BRINP1: variants seen among roughly 807,000 people sequenced by gnomAD.
The protein encoded by BRINP1 is BMP/retinoic acid inducible neural specific 1.
A neutral mutation model predicts 72.9 loss-of-function variants in BRINP1; 17 were observed. The ratio of observed to expected loss-of-function variants is 0.23; its 90% CI spans 0.16 to 0.35. The LOEUF (loss-of-function observed/expected upper bound fraction) is 0.35. BRINP1 is among the 10% of genes least tolerant of loss of function. The pLI is 1.00. For missense variants in BRINP1, 850 were observed against 1,001.6 expected (o/e 0.85, Z 2.04); for synonymous variants, 418 against 378.5 (o/e 1.10, Z -1.21).
At chr9:119,173,776 A>G (rs1829447418) in intron 7 of BRINP1, among the ~76,000 whole-genome samples, 1 of 146,370 alleles carries the variant, frequency 6.8e-6, no homozygotes, top group Non-Finnish European at 1.5e-5. Flanking sequence ...ACAGCATGGT[A>G]CTGGTACCAA....
At position 119,220,303 on chromosome 9, in the gene BRINP1, C is replaced by T. The variant is rs534981530; in HGVS notation, c.686-6148G>A. Among the ~76,000 whole-genome samples the T allele has an allele frequency of 1.6e-3, 240 of 152,182 alleles. 1 individual carries two copies. The highest frequency in any genetic ancestry group is 5.5e-3 in the African/African-American group (228 of 41,520). On this transcript the variant is annotated intron_variant, in intron 5 of 7. Coordinates refer to ENST00000265922, the MANE Select transcript of BRINP1 (RefSeq NM_014618.3). Reference sequence around the variant, plus strand: ...TTGGATCTCTGGAGACCTTCAACAACATTGATGATATTGCTAGCAGGCACT... The same window carrying T: ...TTGGATCTCTGGAGACCTTCAACAATATTGATGATATTGCTAGCAGGCACT...
chr9:119,179,565 A>C (rs2118836319), intron 7 of BRINP1, among the ~76,000 whole-genome samples: 1 of 152,288 alleles, frequency 6.6e-6, no homozygotes, highest in East Asian at 1.9e-4. Flanking sequence ...TGAGGTCAAA[A>C]AAATCAGTGT....
At chr9:119,327,931 G>A (rs951726691) in intron 1 of BRINP1, among the ~76,000 whole-genome samples, 4 of 152,084 alleles carry the variant, frequency 2.6e-5, no homozygotes, top group African/African-American at 9.7e-5. Context: ...GAAGAAGAAA[G>A]GCCAGGGCTA....
intron 1 of BRINP1, among the ~76,000 whole-genome samples, chr9:119,326,035 G>A (rs1477348395): frequency 6.6e-6 from 1 of 152,150 alleles, no homozygotes; most frequent in Non-Finnish European, 1.5e-5. Flanking sequence ...AGATTATTGA[G>A]CATGTATTAC....
chr9:119,295,928 TA>T (rs1564241315), intron 2 of BRINP1, among the ~76,000 whole-genome samples: 1 of 152,082 alleles, frequency 6.6e-6, no homozygotes, highest in African/African-American at 2.4e-5. Flanking sequence ...CCAGGAACCA[TA>T]AAAACACTAG....
chr9:119,236,175 C>G (rs1348176165), intron 5 of BRINP1, among the ~76,000 whole-genome samples: 1 of 152,272 alleles, frequency 6.6e-6, no homozygotes, highest in South Asian at 2.1e-4. Flanking sequence ...AACACTTTCT[C>G]AAGAAAAACT....
chr9:119,268,216 C>T (rs1830570361), intron 2 of BRINP1, among the ~76,000 whole-genome samples: 1 of 151,434 alleles, frequency 6.6e-6, no homozygotes, highest in Non-Finnish European at 1.5e-5. Flanking sequence ...GCACTCCAGC[C>T]TGGGCGACAG....
At chr9:119,362,638 T>A (rs1222234556) in intron 1 of BRINP1, among the ~76,000 whole-genome samples, 1 of 152,214 alleles carries the variant, frequency 6.6e-6, no homozygotes, top group Non-Finnish European at 1.5e-5. Context: ...TCATTCTTTT[T>A]CACAACACTT....
chr9:119,168,010 A>G lies in BRINP1; in HGVS notation c.1360T>C (p.Tyr454His). 1 of 1,613,824 alleles carries G rather than the reference A, an allele frequency of 6.2e-7. No homozygotes were observed. The highest frequency in any genetic ancestry group is 2.2e-5 in the East Asian group (1 of 44,858). Residue 454 changes from tyrosine to histidine, a missense_variant, in exon 8 of 8, where the codon TAC becomes CAC. Tyr to His is a moderately conservative substitution (Grantham distance 83). Transcript: ENST00000265922. ...TCACAGCGGCCTCGATACAGCTTGT[A>G]GCCCTTGTTGCAGGAGCCGCAGAGG... ...ISLCGSCNKG[Y>H]KLYRGRCEPQ...
At chr9:119,202,751 C>T (rs878688) in intron 7 of BRINP1, among the ~76,000 whole-genome samples, 39,203 of 152,026 alleles carry the variant, frequency 0.26, 6,386 homozygotes, top group East Asian at 0.55. Flanking sequence ...TAATGACTAC[C>T]CAATAAATAT....
At chr9:119,199,891 A>G (rs945698343) in intron 7 of BRINP1, among the ~76,000 whole-genome samples, 1 of 151,986 alleles carries the variant, frequency 6.6e-6, no homozygotes, top group African/African-American at 2.4e-5. Context: ...TCAGTTGAAG[A>G]CAATCGCCAT....
chr9:119,196,953 T>C (rs1829744604), intron 7 of BRINP1, among the ~76,000 whole-genome samples: 1 of 152,236 alleles, frequency 6.6e-6, no homozygotes, highest in South Asian at 2.1e-4. Context: ...TCAGCTCCCA[T>C]GTGAAATGTC....
chr9:119,171,481 G>A (rs995729506), intron 7 of BRINP1, among the ~76,000 whole-genome samples: 7 of 150,582 alleles, frequency 4.6e-5, no homozygotes, highest in African/African-American at 1.2e-4. Flanking sequence ...GATTCATAAA[G>A]CAAGTCCCGA....
intron 5 of BRINP1, among the ~76,000 whole-genome samples, chr9:119,230,326 G>A (rs1830134658): frequency 6.6e-6 from 1 of 152,046 alleles, no homozygotes; most frequent in South Asian, 2.1e-4. Flanking sequence ...CGGAGGCTGT[G>A]AAGGGCTGTG....
chr9:119,310,051 C>T (rs961031671), intron 2 of BRINP1, among the ~76,000 whole-genome samples: 2 of 152,136 alleles, frequency 1.3e-5, no homozygotes, highest in African/African-American at 4.8e-5. Context: ...CTTTCCACTA[C>T]CACATGCTGT....
intron 7 of BRINP1, among the ~76,000 whole-genome samples, chr9:119,191,140 A>C (rs1829679706): frequency 1.3e-5 from 2 of 151,976 alleles, no homozygotes; most frequent in South Asian, 2.1e-4. Context: ...TTGTCAATAT[A>C]ATAAAGGGTA....
At chr9:119,318,714 T>C (rs1009097503) in intron 1 of BRINP1, among the ~76,000 whole-genome samples, 35 of 152,160 alleles carry the variant, frequency 2.3e-4, no homozygotes, top group African/African-American at 8.0e-4. Flanking sequence ...TGGCTTCTAT[T>C]GTAAACTGGT....
In BRINP1 at chr9:119,231,864, A is replaced by AT. The variant is rs200936981; in HGVS notation, c.685+6790dup. Among the ~76,000 whole-genome samples, 691 of 151,494 alleles carry AT rather than the reference A, an allele frequency of 4.6e-3. 2 individuals carry two copies. Among genetic ancestry groups the AT allele is most frequent in the African/African-American group, 0.014 (586 of 41,302 alleles). On this transcript the variant is annotated intron_variant, in intron 5 of 7. Coordinates refer to ENST00000265922, the MANE Select transcript of BRINP1 (RefSeq NM_014618.3). ...AATTTCTCCATGGCACAATAACTGAATTTTTTTTTCTCTATCTACCCTCTC... is the reference window on the plus strand; with the variant it reads ...AATTTCTCCATGGCACAATAACTGAATTTTTTTTTTCTCTATCTACCCTCTC...
chr9:119,315,528 AAAT>A (rs947245654), intron 1 of BRINP1, among the ~76,000 whole-genome samples: 6 of 152,084 alleles, frequency 3.9e-5, no homozygotes, highest in African/African-American at 1.2e-4. Context: ...ACTCCCCGAG[AAAT>A]AATAACACCG....
Sources: gnomAD v4.1 joint callset for allele counts (sites outside exome capture counted in the v4.1 genomes callset) on GRCh38, gnomAD v4.1.1 for gene constraint, MANE v1.5 for transcripts, NCBI Gene and HGNC (gene_info 2026-07-23, HGNC 2026-07-21) for gene names.